The following ADGRL3 variants were observed in gnomAD, a reference collection of about 807,000 sequenced individuals.
ADGRL3 encodes calcium-independent alpha-latrotoxin receptor 3.
ADGRL3 carries 62 observed loss-of-function variants against 153.5 expected under a neutral mutation model. That is an observed-to-expected ratio of 0.40 (90% CI 0.33 to 0.50). ADGRL3 has a LOEUF of 0.50. ADGRL3 is among the 20% of genes least tolerant of loss of function. ADGRL3 has a pLI of 0.47. For missense variants in ADGRL3, 1,641 were observed against 1,859.4 expected (o/e 0.88, Z 2.16); for synonymous variants, 710 against 672.5 (o/e 1.06, Z -0.86).
chr4:61,554,723 T>C (rs914513265), intron 4 of ADGRL3, among the ~76,000 whole-genome samples: 1 of 152,190 alleles, frequency 6.6e-6, no homozygotes, highest in African/African-American at 2.4e-5. Flanking sequence ...TGTATCTCTG[T>C]GTAAGTGAAG....
intron 2 of ADGRL3, among the ~76,000 whole-genome samples, chr4:61,459,035 C>T (rs1270660902): frequency 6.6e-6 from 1 of 151,196 alleles, no homozygotes; most frequent in Non-Finnish European, 1.5e-5. Flanking sequence ...TTAAACAGAA[C>T]CCCAACATTT....
At chr4:61,928,739 C>T (rs1449853598) in intron 13 of ADGRL3, among the ~76,000 whole-genome samples, 1 of 152,124 alleles carries the variant, frequency 6.6e-6, no homozygotes, top group African/African-American at 2.4e-5. Flanking sequence ...TTCACCCTGC[C>T]TCCCTCCCAA....
intron 21 of ADGRL3, among the ~76,000 whole-genome samples, chr4:61,998,583 A>C: frequency 7.6e-6 from 1 of 132,008 alleles, no homozygotes; most frequent in Non-Finnish European, 1.6e-5. Flanking sequence ...TTTTTTTTTT[A>C]TTTAATTTTG....
intron 1 of ADGRL3, among the ~76,000 whole-genome samples, chr4:61,235,414 C>A (rs1577936730): frequency 6.6e-6 from 1 of 152,136 alleles, no homozygotes; most frequent in Non-Finnish European, 1.5e-5. Context: ...ATAAGCTTTA[C>A]AAATTATAAT....
intron 2 of ADGRL3, among the ~76,000 whole-genome samples, chr4:61,495,199 G>T (rs2098299939): frequency 6.6e-6 from 1 of 152,068 alleles, no homozygotes; most frequent in Admixed American, 6.5e-5. Context: ...CAGAATGCGT[G>T]CTCTTAACTA....
intron 21 of ADGRL3, among the ~76,000 whole-genome samples, chr4:62,001,138 A>G (rs1361153949): frequency 6.6e-6 from 1 of 152,158 alleles, no homozygotes; most frequent in Non-Finnish European, 1.5e-5. Flanking sequence ...TTGGAAAAGA[A>G]CCAGTGATAG....
chr4:61,697,573 G>T (rs546583164), intron 6 of ADGRL3, among the ~76,000 whole-genome samples: 3 of 147,440 alleles, frequency 2.0e-5, no homozygotes, highest in South Asian at 2.1e-4. Context: ...AAAAAAGAAA[G>T]AAATATTATC....
Position 61,324,175 on chromosome 4 carries a change from G to A in ADGRL3, c.-239-58949G>A, listed in dbSNP as rs187714526. On this transcript the variant is annotated intron_variant, in intron 1 of 26. Coordinates refer to ENST00000683033, the MANE Select transcript of ADGRL3 (RefSeq NM_001387552.1). ...CCACTGGGTTCCTCTCACAACACTT[G>A]GGAATAATGGGAGCTACAAGATGAA... 4.0e-3 allele frequency among the ~76,000 whole-genome samples: 606 copies of A among 152,236 alleles called. 10 individuals are homozygous for A. The highest frequency in any genetic ancestry group is 0.014 in the African/African-American group (584 of 41,558).
At chr4:61,734,325 G>A (rs755229232) in intron 8 of ADGRL3, among the ~76,000 whole-genome samples, 3 of 151,770 alleles carry the variant, frequency 2.0e-5, no homozygotes, top group Non-Finnish European at 4.4e-5. Flanking sequence ...TGTTATGTTA[G>A]TCCATTCTCA....
Position 61,979,758 on chromosome 4 carries a change from C to T in ADGRL3, c.3001C>T (p.Arg1001Ter). 1.2e-6 allele frequency: 2 copies of T among 1,613,752 alleles called. No individual in the cohort carries two copies. Among genetic ancestry groups the T allele is most frequent in the Non-Finnish European group, 1.7e-6 (2 of 1,179,738 alleles). ...AELLFLIGIN[R>*]TDQPIACAVF... ...GCTGCTCTTCCTGATTGGGATCAAC[C>T]GAACTGACCAACCAGTAAGCAACCT... is the stretch of plus-strand genomic sequence containing the variant. Residue 1001 changes from arginine to a stop codon, truncating the protein, a stop_gained, in exon 18 of 27, where the codon CGA becomes TGA. Transcript: ENST00000683033. LOFTEE classifies it high-confidence loss of function.
intron 5 of ADGRL3, among the ~76,000 whole-genome samples, chr4:61,637,130 T>G (rs2093458703): frequency 6.6e-6 from 1 of 152,144 alleles, no homozygotes; most frequent in Admixed American, 6.5e-5. Flanking sequence ...CTTCTAACCC[T>G]CAGTACCTCA....
At chr4:61,269,942 G>A (rs2093066946) in intron 1 of ADGRL3, among the ~76,000 whole-genome samples, 1 of 151,586 alleles carries the variant, frequency 6.6e-6, no homozygotes, top group Non-Finnish European at 1.5e-5. Flanking sequence ...AAATTAAATG[G>A]CATGCTCAAA....
intron 4 of ADGRL3, among the ~76,000 whole-genome samples, chr4:61,555,094 T>G (rs2148877721): frequency 6.6e-6 from 1 of 152,308 alleles, no homozygotes; most frequent in Middle Eastern, 3.4e-3. Flanking sequence ...CCTTTACGAA[T>G]ATTAATTTAT....
intron 5 of ADGRL3, among the ~76,000 whole-genome samples, chr4:61,659,473 T>A (rs2094531170): frequency 6.6e-6 from 1 of 152,180 alleles, no homozygotes; most frequent in Admixed American, 6.5e-5. Context: ...GGACACATGG[T>A]AGTCTTTTAA....
chr4:61,870,151 C>T (rs1288369209), intron 9 of ADGRL3, among the ~76,000 whole-genome samples: 1 of 151,692 alleles, frequency 6.6e-6, no homozygotes, highest in Non-Finnish European at 1.5e-5. Flanking sequence ...ACTTGAGTTG[C>T]TTAGATGATG....
At chr4:61,753,420 T>A (rs1406072133) in intron 8 of ADGRL3, among the ~76,000 whole-genome samples, 1 of 152,182 alleles carries the variant, frequency 6.6e-6, no homozygotes, top group African/African-American at 2.4e-5. Context: ...CCTCTGGTGA[T>A]GAAAGAGTTA....
chr4:61,235,069 T>C (rs549253605), intron 1 of ADGRL3, among the ~76,000 whole-genome samples: 4 of 152,152 alleles, frequency 2.6e-5, no homozygotes, highest in Non-Finnish European at 5.9e-5. Flanking sequence ...CTTGTGCACA[T>C]GTAGATAACA....
At chr4:61,376,978 T>C (rs2096610764) in intron 1 of ADGRL3, among the ~76,000 whole-genome samples, 1 of 152,124 alleles carries the variant, frequency 6.6e-6, no homozygotes. Context: ...ACCTAATCCT[T>C]GGTTTTAATG....
intron 5 of ADGRL3, among the ~76,000 whole-genome samples, chr4:61,600,185 G>A (rs1448478333): frequency 6.6e-6 from 1 of 151,014 alleles, no homozygotes; most frequent in Non-Finnish European, 1.5e-5. Context: ...GCATGCATCT[G>A]TAGTCCCAGC....
Sources: gnomAD v4.1 joint callset for allele counts (sites outside exome capture counted in the v4.1 genomes callset) on GRCh38, gnomAD v4.1.1 for gene constraint, MANE v1.5 for transcripts, NCBI Gene and HGNC (gene_info 2026-07-23, HGNC 2026-07-21) for gene names.